The following FBXW8 variants were observed in gnomAD, a reference collection of about 807,000 sequenced individuals.
FBXW8 encodes F-box/WD repeat-containing protein 8.
Under a neutral mutation model 65.3 loss-of-function variants are expected in FBXW8, and 57 were observed. The ratio of observed to expected loss-of-function variants is 0.87; its 90% CI spans 0.71 to 1.09. FBXW8 has a LOEUF of 1.09. Among genes scored for constraint, FBXW8 ranks in the 50% least tolerant of loss-of-function variants. The pLI is 0.00. For missense variants in FBXW8, 777 were observed against 814.8 expected, an observed-to-expected ratio of 0.95 and a Z score of 0.57; for synonymous variants, 308 against 330.2, an observed-to-expected ratio of 0.93 and a Z score of 0.73.
rs375481391 is a variant in FBXW8, at chr12:116,988,788, G to A, written c.1158G>A (p.Pro386=). 21 of 1,614,140 alleles carry A rather than the reference G, an allele frequency of 1.3e-5. No homozygotes were observed. The highest frequency in any genetic ancestry group is 2.2e-5 in the East Asian group (1 of 44,880). The change falls in exon 7 of 11, where the codon CCG becomes CCA. Residue 386 remains proline, a synonymous_variant. Coordinates refer to ENST00000652555, the MANE Select transcript of FBXW8 (RefSeq NM_153348.3). ...GAACCCTCCTTTACGCCCACGGCCCGCCTGTCACATGTCTAGACGTCTCGG... is the reference window on the plus strand; with the variant it reads ...GAACCCTCCTTTACGCCCACGGCCCACCTGTCACATGTCTAGACGTCTCGG... The part of the protein sequence containing the change: ...SARTLLYAHG[P]PVTCLDVSAN...
chr12:116,911,162 G>A lies in FBXW8; in HGVS notation c.125G>A (p.Gly42Asp). ...AERRARRPEV[G>D]SGRGEQASGD... ...AGGCGGGCTCGGCGGCCGGAGGTGG[G>A]CTCCGGGCGCGGCGAACAGGCCTCG... Residue 42 changes from glycine (G) to aspartate (D), a missense_variant, in exon 1 of 11, where the codon GGC becomes GAC. Transcript: ENST00000652555. 4.2e-5 allele frequency: 56 copies of A among 1,336,298 alleles called. No individual in the cohort carries two copies. The highest frequency in any genetic ancestry group is 5.2e-5 in the Non-Finnish European group (55 of 1,052,092). 82.8% of individuals were successfully genotyped at this position (1,336,298 alleles called of 1,614,324 possible).
At chr12:116,957,242 G>A (rs1883706394) in intron 4 of FBXW8, among the ~76,000 whole-genome samples, 1 of 152,002 alleles carries the variant, frequency 6.6e-6, no homozygotes, top group Non-Finnish European at 1.5e-5. Flanking sequence ...AGCTACTCGG[G>A]TGGCTGAGGC....
chr12:116,941,313 A>G (rs558544879), intron 2 of FBXW8, among the ~76,000 whole-genome samples: 6 of 152,374 alleles, frequency 3.9e-5, no homozygotes, highest in African/African-American at 1.4e-4. Context: ...CTGGAGACTG[A>G]GACAGCGTGA....
chr12:117,010,771 G>C (rs1953787542), intron 8 of FBXW8, among the ~76,000 whole-genome samples: 1 of 152,222 alleles, frequency 6.6e-6, no homozygotes, highest in Non-Finnish European at 1.5e-5. Context: ...TTTGGCACTT[G>C]AAAGCTCACT....
chr12:116,937,728 T>C (rs1403473620), intron 2 of FBXW8, among the ~76,000 whole-genome samples: 1 of 149,722 alleles, frequency 6.7e-6, no homozygotes, highest in Non-Finnish European at 1.5e-5. Flanking sequence ...CTCTATGTGG[T>C]GTGTCCTCCC....
rs139995963 is a variant in FBXW8, at chr12:116,973,382, C to T, written c.835+8528C>T. 2.6e-3 allele frequency among the ~76,000 whole-genome samples: 398 copies of T among 152,188 alleles called. 3 individuals are homozygous for T. Among genetic ancestry groups the T allele is most frequent in the African/African-American group, 9.3e-3 (387 of 41,526 alleles). ...TCTTACATGGTCTCAAAAAATCTCC[C>T]CACTAAACACTTACTAATTAAAAGG... On this transcript the variant is annotated intron_variant, in intron 5 of 10. Transcript: ENST00000652555.
intron 7 of FBXW8, among the ~76,000 whole-genome samples, chr12:116,999,942 C>G (rs976876838): frequency 2.0e-5 from 3 of 151,636 alleles, no homozygotes; most frequent in African/African-American, 7.3e-5. Flanking sequence ...CATCAGAGCT[C>G]TGGCCCTGAG....
intron 2 of FBXW8, among the ~76,000 whole-genome samples, chr12:116,940,301 A>G (rs778759323): frequency 4.4e-4 from 65 of 147,452 alleles, no homozygotes; most frequent in Non-Finnish European, 8.6e-4. Context: ...CACAGACCAT[A>G]TTTTGCAGAT....
At chr12:116,919,580 G>C (rs1880720275) in intron 1 of FBXW8, among the ~76,000 whole-genome samples, 1 of 152,108 alleles carries the variant, frequency 6.6e-6, no homozygotes, top group Non-Finnish European at 1.5e-5. Flanking sequence ...GCTTATCACC[G>C]ATAAGCCCTT....
At chr12:116,973,159 C>A (rs1884735282) in intron 5 of FBXW8, among the ~76,000 whole-genome samples, 1 of 152,034 alleles carries the variant, frequency 6.6e-6, no homozygotes, top group Non-Finnish European at 1.5e-5. Context: ...ATGAGTATAT[C>A]ATGATAAAAA....
At chr12:117,000,150 G>C (rs541101735) in intron 7 of FBXW8, among the ~76,000 whole-genome samples, 1 of 152,192 alleles carries the variant, frequency 6.6e-6, no homozygotes, top group East Asian at 1.9e-4. Flanking sequence ...CCTGCCTTTT[G>C]TATTTTTAGT....
chr12:116,932,344 A>G (rs1881834490), intron 2 of FBXW8, among the ~76,000 whole-genome samples: 1 of 152,200 alleles, frequency 6.6e-6, no homozygotes, highest in Non-Finnish European at 1.5e-5. Context: ...TTCAAGAGCA[A>G]GGGTTTGCAA....
intron 1 of FBXW8, among the ~76,000 whole-genome samples, chr12:116,913,387 C>T (rs1880152528): frequency 6.6e-6 from 1 of 152,204 alleles, no homozygotes; most frequent in Admixed American, 6.5e-5. Context: ...TAACTTTTGA[C>T]TCTCCCAAAA....
rs535875273 is a variant in FBXW8, at chr12:116,958,130, G to A, written c.678-6567G>A. On this transcript the variant is annotated intron_variant, in intron 4 of 10. Transcript: ENST00000652555. ...TGTATCTCATAAGGTCCATTAAGAC[G>A]TTCATTATTTTTCAATTGATGCGTC... Among the ~76,000 whole-genome samples the A allele has an allele frequency of 2.0e-4, 31 of 152,298 alleles. No homozygotes were observed. In the Middle Eastern group the frequency reaches 0.014, roughly 67 times the overall value.
intron 2 of FBXW8, among the ~76,000 whole-genome samples, chr12:116,940,192 G>C (rs550163042): frequency 1.3e-5 from 2 of 152,250 alleles, no homozygotes; most frequent in East Asian, 1.9e-4. Flanking sequence ...TGTCAGCCTG[G>C]GGGGTGGGCT....
intron 5 of FBXW8, among the ~76,000 whole-genome samples, chr12:116,969,554 C>CA (rs959887714): frequency 4.2e-4 from 64 of 151,930 alleles, no homozygotes; most frequent in African/African-American, 1.5e-3. Flanking sequence ...AGAAACATGA[C>CA]AAAAAAAGGA....
chr12:117,002,564 G>T (rs1168694590), intron 7 of FBXW8: 2 of 152,164 alleles, frequency 1.3e-5, no homozygotes, highest in African/African-American at 4.8e-5. Flanking sequence ...CTTTGGGATG[G>T]TGGTGAAAGT....
chr12:116,925,876 G>T (rs1217414878), intron 1 of FBXW8, among the ~76,000 whole-genome samples: 1 of 152,114 alleles, frequency 6.6e-6, no homozygotes, highest in African/African-American at 2.4e-5. Context: ...TAGCCTGGTG[G>T]CTTGTTGGTA....
At position 116,928,004 on chromosome 12, in the gene FBXW8, C is replaced by CTT. The variant is rs58622490; in HGVS notation, c.319-10_319-9dup. 6.1e-6 allele frequency: 8 copies of CTT among 1,320,660 alleles called. No homozygotes were observed. Among genetic ancestry groups the CTT allele is most frequent in the East Asian group, 2.6e-5 (1 of 38,482 alleles). 81.8% of individuals were successfully genotyped at this position (1,320,660 alleles called of 1,614,324 possible). ...ATATCTAAAAATTATAAACTTCTTT[C>CTT]TTTTTTTTTTCCCCTCAGAATGAAA... is the stretch of plus-strand genomic sequence containing the variant. On this transcript the variant is annotated intron_variant, in intron 1 of 10. Transcript: ENST00000652555.
Sources: allele counts gnomAD v4.1 joint callset (sites outside exome capture counted in the v4.1 genomes callset), GRCh38; gene constraint gnomAD v4.1.1; transcripts MANE v1.5; gene names NCBI Gene and HGNC (gene_info 2026-07-23, HGNC 2026-07-21).